Variants in NCAPH observed in about 807,000 individuals in gnomAD.
The protein encoded by NCAPH is condensin complex subunit 2.
NCAPH carries 38 observed loss-of-function variants against 85.5 expected under a neutral mutation model. The ratio of observed to expected loss-of-function variants is 0.44; its 90% CI spans 0.34 to 0.58. NCAPH has a LOEUF of 0.58. Ranked by LOEUF, NCAPH falls within the 20% of genes least tolerant of loss-of-function variation. The pLI is 0.01. For synonymous variants in NCAPH, 301 were observed against 335.1 expected, an observed-to-expected ratio of 0.90 and a Z score of 1.11; for missense variants, 789 against 916.6, an observed-to-expected ratio of 0.86 and a Z score of 1.80.
At chr2:96,361,814 A>G (rs1181349780) in intron 12 of NCAPH, among the ~76,000 whole-genome samples, 40 of 88,480 alleles carry the variant, frequency 4.5e-4, no homozygotes, top group South Asian at 1.4e-3. Flanking sequence ...GTGTATATAT[A>G]TATATATATA....
chr2:96,348,561 G>A (rs1450825774), intron 6 of NCAPH, among the ~76,000 whole-genome samples: 4 of 151,950 alleles, frequency 2.6e-5, no homozygotes, highest in Non-Finnish European at 5.9e-5. Flanking sequence ...TAGTCATAGG[G>A]ATCCAGAAAG....
intron 12 of NCAPH, among the ~76,000 whole-genome samples, chr2:96,361,205 T>C (rs2064604124): frequency 6.6e-6 from 1 of 151,804 alleles, no homozygotes; most frequent in Non-Finnish European, 1.5e-5. Flanking sequence ...CCTGCCACCA[T>C]ACCCAGTGAA....
chr2:96,347,949 G>A (rs1208266760), intron 6 of NCAPH, among the ~76,000 whole-genome samples: 1 of 152,126 alleles, frequency 6.6e-6, no homozygotes, highest in African/African-American at 2.4e-5. Context: ...GAGAGCAGCT[G>A]GCTCTTGTGG....
intron 4 of NCAPH, 66 bp from the exon 5 acceptor site, chr2:96,343,100 T>C: frequency 6.3e-7 from 1 of 1,587,778 alleles, no homozygotes; most frequent in Non-Finnish European, 8.6e-7. Context: ...AAGCTTGCTG[T>C]GTTTTACCTG....
At position 96,373,331 on chromosome 2, in the gene NCAPH, C is replaced by T. The variant is rs147924412; in HGVS notation, c.2206C>T (p.Leu736Phe). The T allele has an allele frequency of 1.2e-6, 2 of 1,613,870 alleles. No individual in the cohort carries two copies. Among genetic ancestry groups the T allele is most frequent in the South Asian group, 2.2e-5 (2 of 91,042 alleles). ...AGGAACAGAGGACCTCTCTGATGTT[C>T]TTGTGAGGCAAGGAGATTGAGTTCA... ...LEGTEDLSDV[L>F]VRQGD The change falls in exon 18 of 18, where the codon CTT becomes TTT. Residue 736 changes from leucine to phenylalanine, a missense_variant. Leu to Phe is a conservative substitution (Grantham distance 22). Coordinates refer to ENST00000240423, the MANE Select transcript of NCAPH (RefSeq NM_015341.5).
intron 16 of NCAPH, 40 bp downstream of exon 16, chr2:96,369,103 C>G: frequency 2.0e-6 from 3 of 1,534,938 alleles, no homozygotes; most frequent in Non-Finnish European, 2.6e-6. Flanking sequence ...TGGGGCTCAC[C>G]TCTCTGAGCT....
intron 6 of NCAPH, among the ~76,000 whole-genome samples, chr2:96,351,106 G>A (rs1184095481): frequency 6.6e-6 from 1 of 152,192 alleles, no homozygotes. Flanking sequence ...TCTTGGGTAT[G>A]TTCTTCCAAA....
intron 3 of NCAPH, 47 bp from the exon 4 acceptor site, chr2:96,342,709 A>C: frequency 7.0e-7 from 1 of 1,433,710 alleles, no homozygotes. Flanking sequence ...TATTTACATG[A>C]GCCTAGGCTA....
Position 96,375,742 on chromosome 2 carries a change from T to C in NCAPH, c.*2391T>C, listed in dbSNP as rs181968196. 6.6e-6 allele frequency among the ~76,000 whole-genome samples: 1 copy of C among 152,318 alleles called. No individual in the cohort carries two copies. Among genetic ancestry groups the C allele is most frequent in the East Asian group, 1.9e-4 (1 of 5,192 alleles). On this transcript the variant is annotated 3_prime_UTR_variant, in exon 18 of 18. Coordinates refer to ENST00000240423, the MANE Select transcript of NCAPH (RefSeq NM_015341.5). Reference sequence around the variant, plus strand: ...TTCTAGGACTGGTGTGACAGTTCCATGAAATTATGAGAGACCGGGGATCCT... The same window carrying C: ...TTCTAGGACTGGTGTGACAGTTCCACGAAATTATGAGAGACCGGGGATCCT...
At position 96,359,078 on chromosome 2, in the gene NCAPH, C is replaced by T; in HGVS notation, c.1242C>T (p.Ile414=). Residue 414 remains isoleucine (I), a synonymous_variant, in exon 10 of 18, where the codon ATC becomes ATT. Coordinates refer to ENST00000240423, the MANE Select transcript of NCAPH (RefSeq NM_015341.5). The part of the protein sequence containing the change: ...EEMISLGDGD[I]RTMCPLLSMK... ...TGATTTCCCTTGGGGATGGAGACAT[C>T]AGGACCATGTGCCCCCTTCTGTCTA... 6.2e-7 allele frequency: 1 copy of T among 1,614,160 alleles called. No individual in the cohort carries two copies. Among genetic ancestry groups the T allele is most frequent in the South Asian group, 1.1e-5 (1 of 91,076 alleles).
chr2:96,374,523 A>G lies in NCAPH; in HGVS notation c.*1172A>G, dbSNP rs2064811907. The stretch of plus-strand genomic sequence containing the variant: ...TTGACTGGCTAAATAGAGATCTTGG[A>G]TATAGGCCAGAAGCAGTGAAGTATA... On this transcript the variant is annotated 3_prime_UTR_variant, in exon 18 of 18. Transcript: ENST00000240423. Among the ~76,000 whole-genome samples the G allele has an allele frequency of 6.6e-6, 1 of 152,238 alleles. No homozygotes were observed. The highest frequency in any genetic ancestry group is 6.5e-5 in the Admixed American group (1 of 15,282).
chr2:96,338,680 A>C (rs2064248606), intron 1 of NCAPH, among the ~76,000 whole-genome samples: 1 of 152,226 alleles, frequency 6.6e-6, no homozygotes. Context: ...ATGGGGGGAC[A>C]GTGAGCCAAG....
intron 6 of NCAPH, among the ~76,000 whole-genome samples, chr2:96,349,731 T>C (rs2064411749): frequency 6.6e-6 from 1 of 152,200 alleles, no homozygotes; most frequent in African/African-American, 2.4e-5. Flanking sequence ...TGAGAGCACT[T>C]CTTTATATAT....
In NCAPH at chr2:96,365,977, A is replaced by G. The variant is rs1170439355; in HGVS notation, c.1800A>G (p.Gln600=). Residue 600 remains glutamine, a synonymous_variant, in exon 14 of 18, where the codon CAA becomes CAG. Coordinates refer to ENST00000240423, the MANE Select transcript of NCAPH (RefSeq NM_015341.5). ...CTTGCCATCCACCTAAGACAGCACAACAGAATGGTGACACTCCAGAAGCCC... is the reference window on the plus strand; with the variant it reads ...CTTGCCATCCACCTAAGACAGCACAGCAGAATGGTGACACTCCAGAAGCCC... ...PYPCHPPKTA[Q]QNGDTPEAQG... The G allele has an allele frequency of 6.8e-6, 11 of 1,614,076 alleles. No homozygotes were observed. Among genetic ancestry groups the G allele is most frequent in the Admixed American group, 3.3e-5 (2 of 59,994 alleles).
At position 96,359,076 on chromosome 2, in the gene NCAPH, A is replaced by C. The variant is rs1463195158; in HGVS notation, c.1240A>C (p.Ile414Leu). 1.2e-6 allele frequency: 2 copies of C among 1,614,234 alleles called. No homozygotes were observed. Among genetic ancestry groups the C allele is most frequent in the South Asian group, 2.2e-5 (2 of 91,088 alleles). Residue 414 changes from isoleucine to leucine, a missense_variant, in exon 10 of 18, where the codon ATC (isoleucine) becomes CTC (leucine). Physicochemically the swap from Ile to Leu is conservative, Grantham distance 5. Transcript: ENST00000240423. The part of the protein sequence containing the change: ...EEMISLGDGD[I>L]RTMCPLLSMK... ...AATGATTTCCCTTGGGGATGGAGAC[A>C]TCAGGACCATGTGCCCCCTTCTGTC... is the stretch of plus-strand genomic sequence containing the variant.
intron 6 of NCAPH, among the ~76,000 whole-genome samples, chr2:96,346,985 A>G (rs550892289): frequency 5.3e-5 from 8 of 152,320 alleles, no homozygotes; most frequent in African/African-American, 1.4e-4. Context: ...GGAGACTAGT[A>G]ATGAGCCATA....
At chr2:96,364,689 C>A in intron 13 of NCAPH, 98 bp downstream of exon 13, 2 of 841,456 alleles carry the variant, frequency 2.4e-6, no homozygotes, top group Non-Finnish European at 3.8e-6. Context: ...AGACTGTTGG[C>A]AATTTTGAAT....
intron 12 of NCAPH, among the ~76,000 whole-genome samples, chr2:96,362,108 A>G (rs953852482): frequency 6.6e-6 from 1 of 152,032 alleles, no homozygotes; most frequent in Admixed American, 6.6e-5. Context: ...TGTTTACTTC[A>G]ATAGAAATAC....
In NCAPH at chr2:96,360,125, T is replaced by A; in HGVS notation, c.1358-18T>A. On this transcript the variant is annotated intron_variant, in intron 10 of 17. Coordinates refer to ENST00000240423, the MANE Select transcript of NCAPH (RefSeq NM_015341.5). ...AGGCCACAGAAGTGAAGTGCTGACG[T>A]CTGTGTTCACTCTGCAGAAGATGCT... The A allele has an allele frequency of 7.2e-7, 1 of 1,385,520 alleles. No homozygotes were observed. Among genetic ancestry groups the A allele is most frequent in the Non-Finnish European group, 1.0e-6 (1 of 977,272 alleles). 85.8% of individuals were successfully genotyped at this position (1,385,520 alleles called of 1,614,324 possible).
Sources: allele counts gnomAD v4.1 joint callset (sites outside exome capture counted in the v4.1 genomes callset), GRCh38; gene constraint gnomAD v4.1.1; transcripts MANE v1.5; gene names NCBI Gene and HGNC (gene_info 2026-07-23, HGNC 2026-07-21).